Variants in GRK3 observed in about 807,000 individuals in gnomAD.
The protein encoded by GRK3 is adrenergic, beta, receptor kinase 2.
A neutral mutation model predicts 95.7 loss-of-function variants in GRK3; 54 were observed. That is an observed-to-expected ratio of 0.56 (90% CI 0.45 to 0.71). The LOEUF is 0.71. GRK3 is among the 30% of genes least tolerant of loss of function. The pLI, the probability that GRK3 is intolerant of heterozygous loss-of-function variation, is 0.00. For missense variants in GRK3, 649 were observed against 851.2 expected, an observed-to-expected ratio of 0.76 and a Z score of 2.96; for synonymous variants, 281 against 290.8, an observed-to-expected ratio of 0.97 and a Z score of 0.34.
intron 13 of GRK3, among the ~76,000 whole-genome samples, chr22:25,696,141 C>A (rs1601533225): frequency 6.6e-6 from 1 of 151,968 alleles, no homozygotes; most frequent in East Asian, 1.9e-4. Context: ...GGCCTACACC[C>A]AGCTAATTTT....
chr22:25,668,673 A>G (rs2084958632), intron 6 of GRK3, among the ~76,000 whole-genome samples: 1 of 152,220 alleles, frequency 6.6e-6, no homozygotes, highest in African/African-American at 2.4e-5. Flanking sequence ...AAAAAGCGCC[A>G]GCATCAAAGG....
At chr22:25,610,685 C>G (rs2084490115) in intron 2 of GRK3, among the ~76,000 whole-genome samples, 1 of 152,178 alleles carries the variant, frequency 6.6e-6, no homozygotes, top group Non-Finnish European at 1.5e-5. Flanking sequence ...TTCTATCTGC[C>G]TTTTCTAGAC....
chr22:25,722,332 C>T lies in GRK3; in HGVS notation c.1949C>T (p.Thr650Ile). ...FVQWKKELNE[T>I]FKEAQRLLRR... is the part of the protein sequence containing the mutation. ...CAGTGGAAGAAAGAGTTGAACGAAA[C>T]CTTCAAGGAGGCCCAGCGGCTATTG... Residue 650 changes from threonine (T) to isoleucine (I), a missense_variant, in exon 21 of 21, where the codon ACC (threonine) becomes ATC (isoleucine). Around this residue, in one of 3 missense-constraint regions of GRK3, gnomAD observed 382 missense variants for 493.8 expected, o/e 0.77. Transcript: ENST00000324198. The T allele has an allele frequency of 2.5e-6, 4 of 1,614,182 alleles. No homozygotes were observed. Among genetic ancestry groups the T allele is most frequent in the Non-Finnish European group, 3.4e-6 (4 of 1,180,028 alleles).
chr22:25,695,420 A>G (rs2085199530), intron 13 of GRK3, among the ~76,000 whole-genome samples: 1 of 152,166 alleles, frequency 6.6e-6, no homozygotes, highest in Non-Finnish European at 1.5e-5. Flanking sequence ...ATGGCTTCGT[A>G]TTTTTATTCT....
Position 25,626,900 on chromosome 22 carries a change from A to C in GRK3, c.191-17692A>C, listed in dbSNP as rs562089733. On this transcript the variant is annotated intron_variant, in intron 2 of 20. Transcript: ENST00000324198. Reference sequence around the variant, plus strand: ...GTCTTTTGAGTCTTGAAGGCTTTTGATAACATCTTCACATTCTAATAGAAA... The same window carrying C: ...GTCTTTTGAGTCTTGAAGGCTTTTGCTAACATCTTCACATTCTAATAGAAA... 6.5e-4 allele frequency among the ~76,000 whole-genome samples: 99 copies of C among 152,296 alleles called. 2 individuals are homozygous for C. Among genetic ancestry groups the C allele is most frequent in the Admixed American group, 5.2e-3 (79 of 15,296 alleles).
intron 1 of GRK3, among the ~76,000 whole-genome samples, chr22:25,598,213 A>G (rs187897713): frequency 5.3e-5 from 8 of 152,362 alleles, no homozygotes; most frequent in Non-Finnish European, 1.2e-4. Context: ...GACTATGGTA[A>G]GTAAAAATGT....
intron 16 of GRK3, 92 bp downstream of exon 16, chr22:25,710,056 C>A: frequency 1.0e-6 from 1 of 962,826 alleles, no homozygotes; most frequent in South Asian, 1.3e-5. Context: ...TCTCTCTATG[C>A]ACTGCTGGCT....
At chr22:25,587,480 G>C (rs1349342146) in intron 1 of GRK3, among the ~76,000 whole-genome samples, 1 of 152,080 alleles carries the variant, frequency 6.6e-6, no homozygotes, top group African/African-American at 2.4e-5. Context: ...CCAGGCTGGA[G>C]TGCAGTGGCG....
chr22:25,712,616 G>T (rs1459900674), intron 17 of GRK3, among the ~76,000 whole-genome samples: 4 of 152,218 alleles, frequency 2.6e-5, no homozygotes, highest in Non-Finnish European at 5.9e-5. Context: ...GACAGACTGG[G>T]CTGGGATCTG....
chr22:25,582,379 T>A (rs1263499501), intron 1 of GRK3, among the ~76,000 whole-genome samples: 1 of 152,078 alleles, frequency 6.6e-6, no homozygotes, highest in Non-Finnish European at 1.5e-5. Flanking sequence ...AGAAAAATTT[T>A]AAAAAATCTG....
chr22:25,679,057 AT>A (rs1283534580), intron 9 of GRK3, 142 bp downstream of exon 9: 1 of 531,684 alleles, frequency 1.9e-6, no homozygotes, highest in African/African-American at 2.0e-5. Flanking sequence ...TCTTTATTTG[AT>A]TTTGCAAGTT....
chr22:25,724,965 A>G lies in GRK3; in HGVS notation c.*2515A>G, dbSNP rs1261347362. 2 of 152,140 alleles carry G rather than the reference A, an allele frequency of 1.3e-5. No homozygotes were observed. The highest frequency in any genetic ancestry group is 2.4e-5 in the African/African-American group (1 of 41,406). The allele number at this position is 152,140 out of a possible 1,614,324, so 9.4% of individuals were successfully genotyped here. A position where few individuals can be genotyped will look rare whatever the true frequency, so the allele number is the denominator to read the frequency against. ...AGCCTTGAATTCCTAGGTTCAAGCA[A>G]TCCTCCCACGTCAGCCTCCTGAGTA... On this transcript the variant is annotated 3_prime_UTR_variant, in exon 21 of 21. Transcript: ENST00000324198.
chr22:25,648,484 G>C, intron 3 of GRK3: 1 of 1,396,832 alleles, frequency 7.2e-7, no homozygotes, highest in South Asian at 1.2e-5. Context: ...GTGTGGATGG[G>C]AATATGGAAT....
In GRK3 at chr22:25,695,229, A is replaced by G. The variant is rs918223502; in HGVS notation, c.1160+15A>G. ...CTTCTGAGAGGGTGAGTTGAAATGC[A>G]TCCTTCTAGTGCTGTCCTCATGGCA... On this transcript the variant is annotated intron_variant, in intron 13 of 20. Transcript: ENST00000324198. The G allele has an allele frequency of 3.2e-6, 5 of 1,585,568 alleles. No individual in the cohort carries two copies. The highest frequency in any genetic ancestry group is 4.3e-6 in the Non-Finnish European group (5 of 1,154,060).
At chr22:25,672,459 A>G in intron 7 of GRK3, 112 bp downstream of exon 7, 2 of 650,362 alleles carry the variant, frequency 3.1e-6, no homozygotes, top group Non-Finnish European at 5.5e-6. Context: ...CACTGCCCAA[A>G]CAGATGTCTG....
chr22:25,612,419 A>C (rs1054440234), intron 2 of GRK3, among the ~76,000 whole-genome samples: 4 of 152,120 alleles, frequency 2.6e-5, no homozygotes, highest in Non-Finnish European at 5.9e-5. Flanking sequence ...TTGCAAGTAC[A>C]TGGAAATAGA....
At chr22:25,692,385 G>A (rs1271944355) in intron 12 of GRK3, among the ~76,000 whole-genome samples, 1 of 152,234 alleles carries the variant, frequency 6.6e-6, no homozygotes, top group Non-Finnish European at 1.5e-5. Context: ...TGTCCCTTCT[G>A]TGAGGAGGAG....
chr22:25,667,445 G>A (rs913025277), intron 5 of GRK3, among the ~76,000 whole-genome samples: 5 of 152,140 alleles, frequency 3.3e-5, no homozygotes, highest in Admixed American at 3.3e-4. Flanking sequence ...TCCATGAAGC[G>A]AGCCCTGCTC....
intron 2 of GRK3, among the ~76,000 whole-genome samples, chr22:25,619,308 T>C (rs1012650018): frequency 6.6e-6 from 1 of 152,178 alleles, no homozygotes; most frequent in African/African-American, 2.4e-5. Flanking sequence ...TGATCTCATT[T>C]AGTCTTCAGA....
Sources: allele counts gnomAD v4.1 joint callset (sites outside exome capture counted in the v4.1 genomes callset), GRCh38; gene constraint gnomAD v4.1.1; regional missense constraint gnomAD v4.1.1; transcripts MANE v1.5; gene names NCBI Gene and HGNC (gene_info 2026-07-23, HGNC 2026-07-21).